MAGED2: variants seen among roughly 807,000 people sequenced by gnomAD.
The protein encoded by MAGED2 is melanoma-associated antigen D2.
MAGED2 carries 6 observed loss-of-function variants against 41.7 expected under a neutral mutation model. The ratio of observed to expected loss-of-function variants is 0.14; its 90% CI spans 0.08 to 0.28. The LOEUF (loss-of-function observed/expected upper bound fraction) is 0.28, where lower values mean the gene tolerates loss of function less well. MAGED2 is among the 10% of genes least tolerant of loss of function. The probability of loss-of-function intolerance (pLI) is 1.00; values close to 1 mark genes in which losing one functional copy is unlikely to be tolerated. For missense variants in MAGED2, 343 were observed against 486.4 expected, an observed-to-expected ratio of 0.71 and a Z score of 2.77; for synonymous variants, 146 against 178.2, an observed-to-expected ratio of 0.82 and a Z score of 1.44.
intron 3 of MAGED2, 69 bp downstream of exon 3, chrX:54,810,282 C>T (rs1394791644): frequency 5.7e-6 from 4 of 695,915 alleles, no homozygotes; most frequent in African/African-American, 4.4e-5. Context: ...GTTCTACAAA[C>T]ATTTAGAAAG....
intron 7 of MAGED2, 83 bp downstream of exon 7, chrX:54,812,334 C>A: frequency 5.3e-6 from 3 of 569,121 alleles, no homozygotes; most frequent in Non-Finnish European, 8.5e-6. Flanking sequence ...CTTCCCCCAT[C>A]CTCTTAGAGA....
intron 10 of MAGED2, chrX:54,814,296 C>T (rs1474745716): frequency 2.7e-6 from 1 of 372,111 alleles, no homozygotes; most frequent in African/African-American, 2.5e-5. Context: ...TGTTCTTCCT[C>T]TGTAGTCTTT....
Position 54,813,485 on chromosome X carries a change from C to G in MAGED2, c.1209-3C>G. Reference sequence around the variant, plus strand: ...TTATTTATTTTTCTTTTTCTTCTCTCAGGATACATCATTCACTCTTTGGGG... The same window carrying G: ...TTATTTATTTTTCTTTTTCTTCTCTGAGGATACATCATTCACTCTTTGGGG... On this transcript the variant is annotated splice_region_variant and splice_polypyrimidine_tract_variant and intron_variant, in intron 9 of 12. Coordinates refer to ENST00000375068, the MANE Select transcript of MAGED2 (RefSeq NM_177433.3). 8.3e-7 allele frequency: 1 copy of G among 1,199,100 alleles called. No individual in the cohort carries two copies. Among genetic ancestry groups the G allele is most frequent in the South Asian group, 1.8e-5 (1 of 56,595 alleles).
At position 54,813,512 on chromosome X, in the gene MAGED2, C is replaced by T. The variant is rs371362791; in HGVS notation, c.1233C>T (p.Asp411=). The T allele has an allele frequency of 2.4e-5, 29 of 1,205,197 alleles. No homozygotes were observed. Among genetic ancestry groups the T allele is most frequent in the South Asian group, 1.8e-4 (10 of 56,673 alleles). Residue 411 remains aspartate (D), a synonymous_variant, in exon 10 of 13, where the codon GAC becomes GAT. Transcript: ENST00000375068. ...GGATACATCATTCACTCTTTGGGGACGTGAAGAAGCTCATCACTGATGAGT... is the reference window on the plus strand; with the variant it reads ...GGATACATCATTCACTCTTTGGGGATGTGAAGAAGCTCATCACTGATGAGT... ...RPGIHHSLFG[D]VKKLITDEFV...
At chrX:54,809,466 C>G (rs751278985) in intron 2 of MAGED2, 90 bp downstream of exon 2, 3 of 967,623 alleles carry the variant, frequency 3.1e-6, no homozygotes, top group East Asian at 3.1e-5. Context: ...CCCTCCCATC[C>G]TTGTCCTTCT....
Position 54,810,233 on chromosome X carries a change from C to T in MAGED2, c.537+20C>T, listed in dbSNP as rs1343778225. On this transcript the variant is annotated intron_variant, in intron 3 of 12. Transcript: ENST00000375068. ...CGAAAGGTAAGACCTCTGCAGTCAC[C>T]ACCCTTGGTTTTCTACTCCTCTCTC... 9.9e-7 allele frequency: 1 copy of T among 1,011,318 alleles called. No homozygotes were observed. Among genetic ancestry groups the T allele is most frequent in the Admixed American group, 3.3e-5 (1 of 30,562 alleles). 83.3% of individuals were successfully genotyped at this position (1,011,318 alleles called of 1,213,427 possible). A position where few individuals can be genotyped will look rare whatever the true frequency, so the allele number is the denominator to read the frequency against.
At chrX:54,813,341 T>G (rs1258709202) in intron 9 of MAGED2, 147 bp from the exon 10 acceptor site, 17 of 829,384 alleles carry the variant, frequency 2.0e-5, no homozygotes, top group Non-Finnish European at 2.7e-5. Flanking sequence ...CTGCTCCCTC[T>G]CTCAGTGTCT....
chrX:54,813,601 AGAACTGAGT>A (rs766140962), intron 10 of MAGED2, 51 bp downstream of exon 10: 25 of 1,032,682 alleles, frequency 2.4e-5, no homozygotes, highest in Non-Finnish European at 3.4e-5. Context: ...GGCCTATTTC[AGAACTGAGT>A]GATAAAGCCG....
intron 7 of MAGED2, 62 bp downstream of exon 7, chrX:54,812,313 C>T: frequency 1.4e-6 from 1 of 701,938 alleles, no homozygotes. Flanking sequence ...TGCTACTCCT[C>T]CTTTGTCCTA....
At chrX:54,811,443 A>G in intron 5 of MAGED2, 130 bp downstream of exon 5, 1 of 882,794 alleles carries the variant, frequency 1.1e-6, no homozygotes, top group East Asian at 3.1e-5. Context: ...TGGCAGTGCT[A>G]GCATCTCTGT....
chrX:54,810,916 C>T lies in MAGED2; in HGVS notation c.633C>T (p.Ala211=), dbSNP rs775770634. ...GAAGGGTCTCAAAGGCCCTAATGGC[C>T]TCAATGGCCCGCAGGGCTTCAAGGG... The part of the protein sequence containing the change: ...GGRRVSKALM[A]SMARRASRGP... Residue 211 remains alanine (A), a synonymous_variant, in exon 4 of 13, where the codon GCC becomes GCT. Coordinates refer to ENST00000375068, the MANE Select transcript of MAGED2 (RefSeq NM_177433.3). 4 of 1,209,393 alleles carry T rather than the reference C, an allele frequency of 3.3e-6. No individual in the cohort carries two copies. The South Asian group carries it at 7.1e-5, about 21-fold the overall frequency.
At chrX:54,814,906 G>GT (rs1929914630) in intron 11 of MAGED2, 131 bp downstream of exon 11, 1 of 485,338 alleles carries the variant, frequency 2.1e-6, no homozygotes, top group African/African-American at 2.4e-5. Context: ...TCAAAACACT[G>GT]TAACAGGCAC....
At chrX:54,812,521 G>T (rs751638659) in intron 7 of MAGED2, among the ~76,000 whole-genome samples, 2 of 111,883 alleles carry the variant, frequency 1.8e-5, no homozygotes, top group Admixed American at 1.9e-4. Context: ...CAGGCCTGTC[G>T]TTGCTTGCCT....
In MAGED2 at chrX:54,809,982, A is replaced by C; in HGVS notation, c.306A>C (p.Leu102=). 2 of 1,205,524 alleles carry C rather than the reference A, an allele frequency of 1.7e-6. No individual in the cohort carries two copies. The highest frequency in any genetic ancestry group is 2.2e-6 in the Non-Finnish European group (2 of 891,997). The stretch of plus-strand genomic sequence containing the variant: ...TTCTGGCAGCTGAAAACAAGAGTCT[A>C]GCAGCTGACACCAAGAAACAGAATG... ...TQVLAAENKS[L]AADTKKQNAD... The change falls in exon 3 of 13, where the codon CTA becomes CTC. Residue 102 remains leucine, a synonymous_variant. Coordinates refer to ENST00000375068, the MANE Select transcript of MAGED2 (RefSeq NM_177433.3).
intron 3 of MAGED2, 38 bp downstream of exon 3, chrX:54,810,251 C>G: frequency 2.3e-6 from 2 of 859,608 alleles, no homozygotes; most frequent in Non-Finnish European, 3.2e-6. Flanking sequence ...GTTTTCTACT[C>G]CTCTCTCAGT....
chrX:54,811,395 T>A, intron 5 of MAGED2, 82 bp downstream of exon 5: 1 of 983,487 alleles, frequency 1.0e-6, no homozygotes, highest in Non-Finnish European at 1.4e-6. Context: ...TATCCCCTGC[T>A]CTTATGCTTA....
At position 54,812,973 on chromosome X, in the gene MAGED2, C is replaced by A; in HGVS notation, c.1114C>A (p.Leu372Ile). ...TAAGGACTCACCCAAGCTGGGTCTG[C>A]TCATGGTGCTTCTTAGCATCATCTT... ...TTKDSPKLGL[L>I]MVLLSIIFMN... Residue 372 changes from leucine to isoleucine, a missense_variant, in exon 8 of 13, where the codon CTC (leucine) becomes ATC (isoleucine). Leu to Ile is a conservative substitution (Grantham distance 5, BLOSUM62 2). This residue lies in a region of MAGED2 where 95 missense variants were observed against 204.8 expected (regional missense o/e 0.46). Transcript: ENST00000375068. 2.5e-6 allele frequency: 3 copies of A among 1,211,224 alleles called. No homozygotes were observed. Among genetic ancestry groups the A allele is most frequent in the Non-Finnish European group, 3.4e-6 (3 of 894,980 alleles).
intron 5 of MAGED2, 62 bp downstream of exon 5, chrX:54,811,375 G>A: frequency 9.4e-7 from 1 of 1,064,620 alleles, no homozygotes; most frequent in Non-Finnish European, 1.3e-6. Flanking sequence ...TTACACCATT[G>A]TGCTGGGGAT....
At position 54,814,794 on chromosome X, in the gene MAGED2, G is replaced by A; in HGVS notation, c.1386+19G>A. ...CTGCAAGGTAATTGGAGAGCTCCTT[G>A]AGCTTGGCAAGTCAAGAGCATGGGG... is the stretch of plus-strand genomic sequence containing the variant. On this transcript the variant is annotated intron_variant, in intron 11 of 12. Coordinates refer to ENST00000375068, the MANE Select transcript of MAGED2 (RefSeq NM_177433.3). The A allele has an allele frequency of 8.6e-7, 1 of 1,158,951 alleles. No individual in the cohort carries two copies. Among genetic ancestry groups the A allele is most frequent in the South Asian group, 1.8e-5 (1 of 55,670 alleles).
Sources: gnomAD v4.1 joint callset for allele counts (sites outside exome capture counted in the v4.1 genomes callset) on GRCh38, gnomAD v4.1.1 for gene constraint, gnomAD v4.1.1 regional missense constraint, MANE v1.5 for transcripts, NCBI Gene and HGNC (gene_info 2026-07-23, HGNC 2026-07-21) for gene names.